Variants in SGCZ observed in about 807,000 individuals in gnomAD.
SGCZ encodes the protein zeta-sarcoglycan.
A neutral mutation model predicts 41.3 loss-of-function variants in SGCZ; 40 were observed. That is an observed-to-expected ratio of 0.97 (90% CI 0.75 to 1.26). The LOEUF (loss-of-function observed/expected upper bound fraction) is 1.26. Among genes scored for constraint, SGCZ ranks in the 50% most tolerant of loss-of-function variants. The probability of loss-of-function intolerance (pLI) is 0.00; values close to 1 mark genes in which losing one functional copy is unlikely to be tolerated. For missense variants in SGCZ, 552 were observed against 369.8 expected (o/e 1.49, Z -4.04); for synonymous variants, 206 against 137.5 (o/e 1.50, Z -3.49).
intron 1 of SGCZ, among the ~76,000 whole-genome samples, chr8:15,235,550 G>C (rs978157155): frequency 5.9e-5 from 9 of 152,154 alleles, no homozygotes; most frequent in Non-Finnish European, 1.3e-4. Context: ...ACTAAGTCCA[G>C]TACACTCTGG....
chr8:15,156,572 CT>C (rs1799335661), intron 1 of SGCZ, among the ~76,000 whole-genome samples: 2 of 152,304 alleles, frequency 1.3e-5, no homozygotes, highest in African/African-American at 4.8e-5. Flanking sequence ...CAAAACCATT[CT>C]TCTGAAAACG....
rs1158352647 is a variant in SGCZ, at chr8:14,551,515, A to T, written c.234+3217T>A. ...TATATATATTATATATATTATATAT[A>T]TTATATATAATATATATAATATATA... is the stretch of plus-strand genomic sequence containing the variant. On this transcript the variant is annotated intron_variant, in intron 2 of 7. Coordinates refer to ENST00000382080, the MANE Select transcript of SGCZ (RefSeq NM_139167.4). Among the ~76,000 whole-genome samples, 14 of 9,262 alleles carry T rather than the reference A, an allele frequency of 1.5e-3. 1 individual carries two copies. The highest frequency in any genetic ancestry group is 2.0e-3 in the African/African-American group (4 of 2,028). The allele number at this position is 9,262 out of a possible 152,430, so 6.1% of individuals were successfully genotyped here.
chr8:15,005,278 C>T (rs1802563243), intron 1 of SGCZ, among the ~76,000 whole-genome samples: 1 of 151,476 alleles, frequency 6.6e-6, no homozygotes, highest in South Asian at 2.1e-4. Context: ...CCCACATCGT[C>T]TGTTTCCGGA....
chr8:14,430,677 A>G (rs1337475328), intron 2 of SGCZ, among the ~76,000 whole-genome samples: 1 of 152,188 alleles, frequency 6.6e-6, no homozygotes, highest in Non-Finnish European at 1.5e-5. Context: ...TCAACACAGT[A>G]CTTGAAGTTC....
In SGCZ at chr8:14,164,680, C is replaced by T. The variant is rs141077666; in HGVS notation, c.447G>A (p.Gln149=). 20 of 1,613,470 alleles carry T rather than the reference C, an allele frequency of 1.2e-5. No homozygotes were observed. The highest frequency in any genetic ancestry group is 1.7e-5 in the Non-Finnish European group (20 of 1,179,682). Residue 149 remains glutamine, a synonymous_variant, in exon 5 of 8, where the codon CAG becomes CAA. Transcript: ENST00000382080. Reference sequence around the variant, plus strand: ...TGGCTCTCACTTCAAATCTTTTACACTGAGCTTCCACAGCATCAGCTCCTA... The same window carrying T: ...TGGCTCTCACTTCAAATCTTTTACATTGAGCTTCCACAGCATCAGCTCCTA... ...LTIGADAVEA[Q]CKRFEVRASE...
intron 2 of SGCZ, among the ~76,000 whole-genome samples, chr8:14,455,962 T>C (rs1280105519): frequency 6.6e-6 from 1 of 152,252 alleles, no homozygotes; most frequent in Non-Finnish European, 1.5e-5. Context: ...AAAGTAGATT[T>C]GTAGTTACCT....
intron 5 of SGCZ, among the ~76,000 whole-genome samples, chr8:14,140,641 C>A (rs939457735): frequency 6.6e-6 from 1 of 152,048 alleles, no homozygotes; most frequent in Non-Finnish European, 1.5e-5. Context: ...TCAAGGAGAA[C>A]TACAAACCAC....
At chr8:15,046,685 T>C (rs1326775851) in intron 1 of SGCZ, among the ~76,000 whole-genome samples, 1 of 152,008 alleles carries the variant, frequency 6.6e-6, no homozygotes, top group Non-Finnish European at 1.5e-5. Flanking sequence ...TGCTCATTGT[T>C]ACTGATGTGG....
intron 3 of SGCZ, among the ~76,000 whole-genome samples, chr8:14,313,934 G>C (rs1209594154): frequency 6.6e-6 from 1 of 150,976 alleles, no homozygotes; most frequent in African/African-American, 2.5e-5. Flanking sequence ...GTGTGTGTGT[G>C]TGTGTGTGTG....
chr8:14,720,912 G>GT (rs3069629), intron 1 of SGCZ, among the ~76,000 whole-genome samples: 2,094 of 151,188 alleles, frequency 0.014, 40 homozygotes, highest in Middle Eastern at 0.037. Flanking sequence ...CATGGAAACT[G>GT]TTTTTTTTTT....
intron 4 of SGCZ, among the ~76,000 whole-genome samples, chr8:14,208,988 C>G (rs573482268): frequency 6.6e-6 from 1 of 152,314 alleles, no homozygotes; most frequent in African/African-American, 2.4e-5. Context: ...AAGCTGGAAG[C>G]TCTCTTGGGT....
intron 1 of SGCZ, among the ~76,000 whole-genome samples, chr8:15,211,761 C>T (rs1039675724): frequency 3.3e-5 from 5 of 152,118 alleles, no homozygotes; most frequent in Non-Finnish European, 5.9e-5. Flanking sequence ...CTTCTAATAA[C>T]TACTGTTCAT....
At chr8:15,175,383 C>G (rs1479689000) in intron 1 of SGCZ, among the ~76,000 whole-genome samples, 1 of 151,966 alleles carries the variant, frequency 6.6e-6, no homozygotes, top group East Asian at 1.9e-4. Context: ...ATGTCCTTTG[C>G]AGGGACATGG....
At chr8:15,167,532 C>T (rs1406846064) in intron 1 of SGCZ, among the ~76,000 whole-genome samples, 11 of 152,186 alleles carry the variant, frequency 7.2e-5, no homozygotes, top group Non-Finnish European at 1.6e-4. Flanking sequence ...GCTGAGATTC[C>T]TTGTGGAACA....
intron 1 of SGCZ, among the ~76,000 whole-genome samples, chr8:14,971,010 G>C (rs186868617): frequency 6.6e-6 from 1 of 152,068 alleles, no homozygotes; most frequent in Non-Finnish European, 1.5e-5. Context: ...TCTTCTGTAA[G>C]TTTTGTCTCT....
At chr8:14,484,484 A>G (rs1003404288) in intron 2 of SGCZ, among the ~76,000 whole-genome samples, 1 of 152,182 alleles carries the variant, frequency 6.6e-6, no homozygotes, top group Non-Finnish European at 1.5e-5. Context: ...GTGATTTTTA[A>G]AACATTTCAT....
chr8:14,731,953 A>C (rs1510456), intron 1 of SGCZ, among the ~76,000 whole-genome samples: 1 of 152,166 alleles, frequency 6.6e-6, no homozygotes. Flanking sequence ...CTTCCAGTCG[A>C]TACCATTAAT....
At chr8:14,525,074 T>C (rs189898194) in intron 2 of SGCZ, among the ~76,000 whole-genome samples, 18 of 151,606 alleles carry the variant, frequency 1.2e-4, no homozygotes, top group Non-Finnish European at 2.4e-4. Flanking sequence ...TGATGATAGA[T>C]AGATAGACAC....
At chr8:14,798,260 A>G (rs1037786458) in intron 1 of SGCZ, among the ~76,000 whole-genome samples, 4 of 152,242 alleles carry the variant, frequency 2.6e-5, no homozygotes, top group Non-Finnish European at 4.4e-5. Context: ...AAATCAATGA[A>G]GAAAGTATAC....
Sources: allele counts gnomAD v4.1 joint callset (sites outside exome capture counted in the v4.1 genomes callset), GRCh38; gene constraint gnomAD v4.1.1; transcripts MANE v1.5; gene names NCBI Gene and HGNC (gene_info 2026-07-23, HGNC 2026-07-21).